NLGN1: variants seen among roughly 807,000 people sequenced by gnomAD.
The protein encoded by NLGN1 is neuroligin 1, also known as neuroligin-1.
A neutral mutation model predicts 65.5 loss-of-function variants in NLGN1; 12 were observed. That is an observed-to-expected ratio of 0.18 (90% confidence interval 0.12 to 0.30). NLGN1 has a LOEUF of 0.30. NLGN1 is among the 10% of genes least tolerant of loss of function. NLGN1 has a pLI of 1.00. For missense variants in NLGN1, 750 were observed against 1,007.1 expected, an observed-to-expected ratio of 0.74 and a Z score of 3.46; for synonymous variants, 350 against 359.5, an observed-to-expected ratio of 0.97 and a Z score of 0.30.
At chr3:174,188,365 C>A (rs1389981930) in intron 4 of NLGN1, among the ~76,000 whole-genome samples, 6 of 151,920 alleles carry the variant, frequency 3.9e-5, no homozygotes, top group African/African-American at 1.4e-4. Flanking sequence ...TAGTAAAAAT[C>A]ATAACATTGA....
chr3:173,979,830 G>C (rs1305485737), intron 4 of NLGN1, among the ~76,000 whole-genome samples: 2 of 152,068 alleles, frequency 1.3e-5, no homozygotes, highest in Non-Finnish European at 2.9e-5. Context: ...TGAGCCCCTA[G>C]AGCATGTCTT....
At chr3:173,408,785 G>A (rs1711849091) in intron 1 of NLGN1, among the ~76,000 whole-genome samples, 1 of 152,018 alleles carries the variant, frequency 6.6e-6, no homozygotes, top group Non-Finnish European at 1.5e-5. Context: ...GGTGGCGGGT[G>A]CCTGTAATTC....
At chr3:174,145,028 GGTT>G (rs896398799) in intron 4 of NLGN1, among the ~76,000 whole-genome samples, 3 of 151,866 alleles carry the variant, frequency 2.0e-5, no homozygotes, top group African/African-American at 4.8e-5. Flanking sequence ...GGGTTTTTAT[GGTT>G]TTAGGTCTTA....
chr3:173,732,533 G>T (rs985180062), intron 3 of NLGN1, among the ~76,000 whole-genome samples: 1 of 152,016 alleles, frequency 6.6e-6, no homozygotes, highest in Non-Finnish European at 1.5e-5. Flanking sequence ...GTTCGGGGTG[G>T]GTAGTTGCAG....
chr3:173,976,354 T>C (rs1251966687), intron 4 of NLGN1, among the ~76,000 whole-genome samples: 1 of 152,064 alleles, frequency 6.6e-6, no homozygotes, highest in East Asian at 1.9e-4. Context: ...ATGAATGTAC[T>C]ATGGTCCCTG....
At chr3:173,620,394 A>G (rs1373105927) in intron 3 of NLGN1, among the ~76,000 whole-genome samples, 1 of 152,140 alleles carries the variant, frequency 6.6e-6, no homozygotes, top group Non-Finnish European at 1.5e-5. Context: ...ACTGTCCAGT[A>G]CCTTCCTCCT....
chr3:174,210,024 A>AAGAT (rs941848495), intron 4 of NLGN1, among the ~76,000 whole-genome samples: 11 of 152,216 alleles, frequency 7.2e-5, no homozygotes, highest in Admixed American at 7.2e-4. Flanking sequence ...TAGGCACACC[A>AAGAT]AGATCATTTT....
At chr3:173,803,231 C>T (rs1463460074) in intron 3 of NLGN1, among the ~76,000 whole-genome samples, 2 of 151,982 alleles carry the variant, frequency 1.3e-5, no homozygotes, top group Non-Finnish European at 2.9e-5. Flanking sequence ...CAGATTTCTA[C>T]CAACTTATTT....
intron 3 of NLGN1, among the ~76,000 whole-genome samples, chr3:173,777,617 CTG>C: frequency 8.4e-6 from 1 of 118,984 alleles, no homozygotes; most frequent in Non-Finnish European, 1.8e-5. Context: ...TTCTGTCTGT[CTG>C]TCTGTCTGTC....
At chr3:174,294,344 T>C in the NLGN1 span, among the ~76,000 whole-genome samples, 81 of 151,960 alleles carry the variant, frequency 5.3e-4, no homozygotes, top group African/African-American at 1.7e-3. Context: ...GAGTTCTCTA[T>C]AGACAAATAA....
intron 4 of NLGN1, among the ~76,000 whole-genome samples, chr3:174,024,141 TAAAAA>T (rs34508881): frequency 3.5e-5 from 3 of 86,036 alleles, no homozygotes; most frequent in Non-Finnish European, 4.5e-5. Context: ...AGAGTCCTAT[TAAAAA>T]AAAAAAAAAA....
chr3:174,086,275 A>G (rs899012805), intron 4 of NLGN1, among the ~76,000 whole-genome samples: 1 of 149,030 alleles, frequency 6.7e-6, no homozygotes, highest in African/African-American at 2.4e-5. Context: ...ATATTTATGT[A>G]TGTGCATAAA....
At chr3:174,117,848 T>C (rs1333660099) in intron 4 of NLGN1, among the ~76,000 whole-genome samples, 3 of 152,210 alleles carry the variant, frequency 2.0e-5, no homozygotes, top group African/African-American at 7.2e-5. Flanking sequence ...AGGTTTTATT[T>C]TGTATGGCCC....
intron 3 of NLGN1, among the ~76,000 whole-genome samples, chr3:173,726,076 A>C (rs1771720142): frequency 6.6e-6 from 1 of 152,028 alleles, no homozygotes; most frequent in South Asian, 2.1e-4. Flanking sequence ...ACATAACTTA[A>C]TCAAGGGAGT....
rs568106053 is a variant in NLGN1 at position 173,445,769 on chromosome 3, C to A, written c.-321+10691C>A. On this transcript the variant is annotated intron_variant, in intron 2 of 6. Transcript: ENST00000457714. ...TTTCTTTGTGCTTGCACCAGGGAAG[C>A]CAAGCATTATTTTAGAACATCAGAA... Among the ~76,000 whole-genome samples the A allele has an allele frequency of 9.2e-5, 14 of 152,288 alleles. No homozygotes were observed. The South Asian group carries it at 2.9e-3, about 32-fold the overall frequency.
At chr3:173,951,254 A>T (rs779499764) in intron 4 of NLGN1, among the ~76,000 whole-genome samples, 18 of 152,118 alleles carry the variant, frequency 1.2e-4, no homozygotes, top group Non-Finnish European at 2.4e-4. Flanking sequence ...TTCTTTGGAA[A>T]ATTATTTGGT....
intron 4 of NLGN1, among the ~76,000 whole-genome samples, chr3:173,909,755 C>T (rs1224671678): frequency 2.0e-5 from 3 of 152,068 alleles, no homozygotes; most frequent in Non-Finnish European, 4.4e-5. Context: ...TCTCGGCTAC[C>T]GCAACCTCCA....
chr3:174,167,355 C>G (rs912785689), intron 4 of NLGN1, among the ~76,000 whole-genome samples: 4 of 152,014 alleles, frequency 2.6e-5, no homozygotes, highest in Non-Finnish European at 4.4e-5. Flanking sequence ...ATGTTTAGAA[C>G]CCCCTTCAGG....
At chr3:173,448,869 T>G (rs1370426311) in intron 2 of NLGN1, among the ~76,000 whole-genome samples, 1 of 152,250 alleles carries the variant, frequency 6.6e-6, no homozygotes, top group Non-Finnish European at 1.5e-5. Context: ...TATAGTATTC[T>G]CTGATGGTAG....
Sources: allele counts gnomAD v4.1 joint callset (sites outside exome capture counted in the v4.1 genomes callset), GRCh38; gene constraint gnomAD v4.1.1; transcripts MANE v1.5; gene names NCBI Gene and HGNC (gene_info 2026-07-23, HGNC 2026-07-21).